The following KDM1B variants were observed in gnomAD, a reference collection of about 807,000 sequenced individuals.
KDM1B encodes lysine-specific histone demethylase 2.
Under a neutral mutation model 107.4 loss-of-function variants are expected in KDM1B, and 63 were observed. The ratio of observed to expected loss-of-function variants is 0.59; its 90% CI spans 0.48 to 0.72. The LOEUF is 0.72. Among genes scored for constraint, KDM1B ranks in the 30% least tolerant of loss-of-function variants. The pLI, the probability that KDM1B is intolerant of heterozygous loss-of-function variation, is 0.00. For synonymous variants in KDM1B, 363 were observed against 363.9 expected, an observed-to-expected ratio of 1.00 and a Z score of 0.03; for missense variants, 749 against 1,020.8, an observed-to-expected ratio of 0.73 and a Z score of 3.63.
chr6:18,173,388 T>G (rs1434419282), intron 7 of KDM1B, among the ~76,000 whole-genome samples: 1 of 152,214 alleles, frequency 6.6e-6, no homozygotes, highest in Admixed American at 6.5e-5. Context: ...TTTATTGATT[T>G]GTAGTTCTTT....
At chr6:18,202,265 GGT>G (rs1390985713) in intron 14 of KDM1B, among the ~76,000 whole-genome samples, 3 of 151,740 alleles carry the variant, frequency 2.0e-5, no homozygotes, top group African/African-American at 7.3e-5. Flanking sequence ...CAAGCATGGT[GGT>G]GTGTGTCTGT....
chr6:18,168,297 A>G (rs151183270), intron 6 of KDM1B, among the ~76,000 whole-genome samples: 2 of 152,288 alleles, frequency 1.3e-5, no homozygotes, highest in African/African-American at 4.8e-5. Context: ...GTAACCGCTA[A>G]TCTGCTTTCT....
Position 18,201,705 on chromosome 6 carries a change from A to AC in KDM1B, c.1531+50dup, listed in dbSNP as rs753495884. Reference sequence around the variant, plus strand: ...ATTGTTCCATCTCAGTTTCGTTGTTACCTAAGCTTCATCAGCAGTGGCATT... The same window carrying AC: ...ATTGTTCCATCTCAGTTTCGTTGTTACCCTAAGCTTCATCAGCAGTGGCATT... On this transcript the variant is annotated intron_variant, in intron 14 of 21. Coordinates refer to ENST00000650836, the MANE Select transcript of KDM1B (RefSeq NM_001364614.2). The surrounding 1 kb of genome is among the most constrained non-coding windows in gnomAD (Gnocchi z 4.3). 8 of 1,460,410 alleles carry AC rather than the reference A, an allele frequency of 5.5e-6. No individual in the cohort carries two copies. The South Asian group carries it at 1.1e-4, about 19-fold the overall frequency. The allele number at this position is 1,460,410 out of a possible 1,614,324, so 90.5% of individuals were successfully genotyped here. A position where few individuals can be genotyped will look rare whatever the true frequency, so the allele number is the denominator to read the frequency against.
Position 18,200,364 on chromosome 6 carries a change from T to C in KDM1B, c.1222-75T>C, listed in dbSNP as rs1326169762. 1.4e-6 allele frequency: 2 copies of C among 1,390,024 alleles called. No individual in the cohort carries two copies. The highest frequency in any genetic ancestry group is 2.0e-6 in the Non-Finnish European group (2 of 1,014,930). 86.1% of individuals were successfully genotyped at this position (1,390,024 alleles called of 1,614,324 possible). A position where few individuals can be genotyped will look rare whatever the true frequency, so the allele number is the denominator to read the frequency against. On this transcript the variant is annotated intron_variant, in intron 12 of 21. Transcript: ENST00000650836. The surrounding 1 kb of genome is among the most constrained non-coding windows in gnomAD (Gnocchi z 4.3). ...TATAGAGGCTATTTAACAGTGTCCTTCTACATTTTTATAATACTGTGTCTG... is the reference window on the plus strand; with the variant it reads ...TATAGAGGCTATTTAACAGTGTCCTCCTACATTTTTATAATACTGTGTCTG...
intron 20 of KDM1B, among the ~76,000 whole-genome samples, chr6:18,215,848 G>A (rs1789184704): frequency 6.6e-6 from 1 of 151,482 alleles, no homozygotes; most frequent in Non-Finnish European, 1.5e-5. Flanking sequence ...TTTAAGAGGA[G>A]CCTTGGCCAG....
chr6:18,200,253 G>A lies in KDM1B; in HGVS notation c.1222-186G>A, dbSNP rs193143459. ...GTTTTTCCTCGCTAGAGTCTAGATG[G>A]ATTGTTTTGAACATCTATTTTGGCT... is the stretch of plus-strand genomic sequence containing the variant. On this transcript the variant is annotated intron_variant, in intron 12 of 21. Coordinates refer to ENST00000650836, the MANE Select transcript of KDM1B (RefSeq NM_001364614.2). This position sits in a 1 kb window ranked among gnomAD's most constrained non-coding sequence, Gnocchi z 4.3. Among the ~76,000 whole-genome samples the A allele has an allele frequency of 4.6e-5, 7 of 152,298 alleles. No homozygotes were observed. Among genetic ancestry groups the A allele is most frequent in the Admixed American group, 4.6e-4 (7 of 15,284 alleles).
intron 12 of KDM1B, among the ~76,000 whole-genome samples, chr6:18,198,651 A>C (rs867966025): frequency 7.0e-6 from 1 of 142,800 alleles, no homozygotes; most frequent in Admixed American, 6.9e-5. Flanking sequence ...AAAAAAAAAA[A>C]AAAAAACAAA....
chr6:18,208,603 GTATATATATATATATATA>G lies in KDM1B; in HGVS notation c.1866+405_1866+422del, dbSNP rs774817680. Among the ~76,000 whole-genome samples, 69 of 34,896 alleles carry G rather than the reference GTATATATATATATATATA, an allele frequency of 2.0e-3. 2 individuals are homozygous for G. Among genetic ancestry groups the G allele is most frequent in the Non-Finnish European group, 2.6e-3 (54 of 20,814 alleles). The allele number at this position is 34,896 out of a possible 152,430, so 22.9% of individuals were successfully genotyped here. A position where few individuals can be genotyped will look rare whatever the true frequency, so the allele number is the denominator to read the frequency against. On this transcript the variant is annotated intron_variant, in intron 17 of 21. Coordinates refer to ENST00000650836, the MANE Select transcript of KDM1B (RefSeq NM_001364614.2). ...TAGGGTTAAATAGAAGTATGTGTAT[GTATATATATATATATATA>G]TATATATTTTTTTTTTTTTTTTTTT... is the stretch of plus-strand genomic sequence containing the variant.
At chr6:18,179,467 T>G (rs1173800659) in intron 7 of KDM1B, among the ~76,000 whole-genome samples, 1 of 152,234 alleles carries the variant, frequency 6.6e-6, no homozygotes, top group Non-Finnish European at 1.5e-5. Flanking sequence ...ACTTCTTTTT[T>G]TGTGTTTGGT....
At position 18,209,418 on chromosome 6, in the gene KDM1B, A is replaced by G. The variant is rs1397006612; in HGVS notation, c.1866+1212A>G. Among the ~76,000 whole-genome samples, 2 of 152,182 alleles carry G rather than the reference A, an allele frequency of 1.3e-5. No individual in the cohort carries two copies. Among genetic ancestry groups the G allele is most frequent in the African/African-American group, 4.8e-5 (2 of 41,442 alleles). ...ACAGAAGTAAAGGACTGCATGTCACATGGGAAAGACAGGTCTAGGGAATGA... is the reference window on the plus strand; with the variant it reads ...ACAGAAGTAAAGGACTGCATGTCACGTGGGAAAGACAGGTCTAGGGAATGA... On this transcript the variant is annotated intron_variant, in intron 17 of 21. Transcript: ENST00000650836. The surrounding 1 kb of genome is among the most constrained non-coding windows in gnomAD (Gnocchi z 4.3).
rs1334155849 is a variant in KDM1B, at chr6:18,200,768, C to A, written c.1359+192C>A. On this transcript the variant is annotated intron_variant, in intron 13 of 21. Transcript: ENST00000650836. This position sits in a 1 kb window ranked among gnomAD's most constrained non-coding sequence, Gnocchi z 4.3. ...TAGAGGATGTAAAATACTTTTTTTC[C>A]TTTTTCTAAGCTATTTAATTTTATT... 6.6e-6 allele frequency among the ~76,000 whole-genome samples: 1 copy of A among 151,856 alleles called. No individual in the cohort carries two copies. Among genetic ancestry groups the A allele is most frequent in the East Asian group, 1.9e-4 (1 of 5,192 alleles).
In KDM1B at chr6:18,223,178, C is replaced by T. The variant is rs214505; in HGVS notation, c.*1186C>T. ...GCTTTTGTTTTTGAACAATAATATA[C>T]TGGTTTGCTTTAAAGAAGGGACTAA... is the stretch of plus-strand genomic sequence containing the variant. On this transcript the variant is annotated 3_prime_UTR_variant, in exon 22 of 22. Coordinates refer to ENST00000650836, the MANE Select transcript of KDM1B (RefSeq NM_001364614.2). 50,346 of 152,320 alleles carry T rather than the reference C, an allele frequency of 0.33. 10,165 individuals are homozygous for T. The highest frequency in any genetic ancestry group is 0.56 in the African/African-American group (23,237 of 41,378). The allele number at this position is 152,320 out of a possible 1,614,324, so 9.4% of individuals were successfully genotyped here.
chr6:18,161,272 C>T (rs1784954221), intron 3 of KDM1B, 55 bp from the exon 4 acceptor site: 1 of 1,568,298 alleles, frequency 6.4e-7, no homozygotes, highest in East Asian at 2.2e-5. Context: ...AACCTTCATC[C>T]TTAGTCATTT....
chr6:18,210,346 T>TTTTTTTTTTG (rs1788752273), intron 17 of KDM1B, among the ~76,000 whole-genome samples: 1 of 38,644 alleles, frequency 2.6e-5, no homozygotes, highest in Non-Finnish European at 4.7e-5. Context: ...TCTTTTCTTT[T>TTTTTTTTTTG]TTTTTTTTTT....
At chr6:18,167,185 T>C in intron 6 of KDM1B, among the ~76,000 whole-genome samples, 1 of 151,716 alleles carries the variant, frequency 6.6e-6, no homozygotes, top group Non-Finnish European at 1.5e-5. Context: ...GGAAACCCCG[T>C]CTCTACTAAA....
At chr6:18,165,973 C>G (rs538752449) in intron 5 of KDM1B, among the ~76,000 whole-genome samples, 8 of 152,248 alleles carry the variant, frequency 5.3e-5, no homozygotes, top group Non-Finnish European at 7.4e-5. Context: ...AGTCACTGTA[C>G]TCCAGCCTGA....
chr6:18,188,026 C>T (rs1419518601), intron 9 of KDM1B, 24 bp downstream of exon 9: 3 of 1,541,424 alleles, frequency 1.9e-6, no homozygotes, highest in Middle Eastern at 3.4e-4. Context: ...CTGGGACTCC[C>T]TGCTTTCTAT....
rs1258629841 is a variant in KDM1B, at chr6:18,162,403, A to G, written c.216-432A>G. Among the ~76,000 whole-genome samples, 3 of 152,202 alleles carry G rather than the reference A, an allele frequency of 2.0e-5. No individual in the cohort carries two copies. Among genetic ancestry groups the G allele is most frequent in the East Asian group, 1.9e-4 (1 of 5,206 alleles). ...TGGCATGATTTTTCATTCTCTTGCT[A>G]TATTATCAACTGTTTGACAAGTTAT... On this transcript the variant is annotated intron_variant, in intron 4 of 21. Transcript: ENST00000650836. This position sits in a 1 kb window ranked among gnomAD's most constrained non-coding sequence, Gnocchi z 4.1.
chr6:18,180,342 A>T (rs1786373317), intron 7 of KDM1B, among the ~76,000 whole-genome samples: 1 of 152,106 alleles, frequency 6.6e-6, no homozygotes, highest in African/African-American at 2.4e-5. Context: ...AGATTACTTG[A>T]CAATGAAAAG....
Sources: allele counts gnomAD v4.1 joint callset (sites outside exome capture counted in the v4.1 genomes callset), GRCh38; gene constraint gnomAD v4.1.1; non-coding constraint Gnocchi (gnomAD v3.1); transcripts MANE v1.5; gene names NCBI Gene and HGNC (gene_info 2026-07-23, HGNC 2026-07-21).